VPS13B: variants seen among roughly 807,000 people sequenced by gnomAD.
VPS13B encodes intermembrane lipid transfer protein VPS13B.
A neutral mutation model predicts 426.4 loss-of-function variants in VPS13B; 285 were observed. The ratio of observed to expected loss-of-function variants is 0.67; its 90% CI spans 0.61 to 0.74. VPS13B has a LOEUF of 0.74. Ranked by LOEUF, VPS13B falls within the 30% of genes least tolerant of loss-of-function variation. The pLI is 0.00. For missense variants in VPS13B, 4,537 were observed against 4,782.6 expected (o/e 0.95, Z 1.51); for synonymous variants, 1,676 against 1,676.4 (o/e 1.00, Z 0.01).
chr8:99,492,583 C>T (rs1434693436), intron 25 of VPS13B, among the ~76,000 whole-genome samples: 1 of 152,152 alleles, frequency 6.6e-6, no homozygotes, highest in East Asian at 1.9e-4. Flanking sequence ...GGTGGACACC[C>T]CTCTCCCCGC....
intron 19 of VPS13B, among the ~76,000 whole-genome samples, chr8:99,306,726 AT>A (rs1820657396): frequency 6.6e-6 from 1 of 152,054 alleles, no homozygotes; most frequent in Non-Finnish European, 1.5e-5. Context: ...AGTTTGTCTT[AT>A]TGTTTTATTG....
At chr8:99,461,724 ACT>A (rs1818841971) in intron 23 of VPS13B, among the ~76,000 whole-genome samples, 1 of 152,086 alleles carries the variant, frequency 6.6e-6, no homozygotes, top group South Asian at 2.1e-4. Context: ...CCCACAGCTC[ACT>A]CTCTGAAGAA....
chr8:99,691,649 A>G (rs1389450738), intron 35 of VPS13B, among the ~76,000 whole-genome samples: 1 of 151,022 alleles, frequency 6.6e-6, no homozygotes, highest in Admixed American at 6.6e-5. Context: ...GAGCAAAATC[A>G]CCAGCTAACA....
chr8:99,385,387 G>A (rs1351765397), intron 20 of VPS13B, among the ~76,000 whole-genome samples: 2 of 152,152 alleles, frequency 1.3e-5, no homozygotes, highest in East Asian at 3.9e-4. Flanking sequence ...CTTCAAGCTA[G>A]TTGATGGGAG....
Position 99,087,630 on chromosome 8 carries a change from T to TTA in VPS13B, c.292-8682_292-8681insTA, listed in dbSNP as rs1328985595. On this transcript the variant is annotated intron_variant, in intron 3 of 61. Transcript: ENST00000357162. ...CTGTTTTTTTGTTTTTTTTTTTTTTTATAGACTGGGTCTGTTTATGTAGCC... is the reference window on the plus strand; with the variant it reads ...CTGTTTTTTTGTTTTTTTTTTTTTTTTAATAGACTGGGTCTGTTTATGTAGCC... Among the ~76,000 whole-genome samples the TTA allele has an allele frequency of 8.9e-3, 1,353 of 151,364 alleles. 31 individuals carry two copies. Among genetic ancestry groups the TTA allele is most frequent in the African/African-American group, 0.031 (1,294 of 41,204 alleles).
chr8:99,545,702 T>C (rs1823933101), intron 30 of VPS13B, among the ~76,000 whole-genome samples: 1 of 152,044 alleles, frequency 6.6e-6, no homozygotes, highest in Non-Finnish European at 1.5e-5. Flanking sequence ...ACTGTTGCAT[T>C]AGGCACTATA....
chr8:99,575,020 G>A (rs993858436), intron 31 of VPS13B, among the ~76,000 whole-genome samples: 1 of 151,992 alleles, frequency 6.6e-6, no homozygotes. Flanking sequence ...AAATAAATTA[G>A]CCAGGCATGG....
intron 40 of VPS13B, among the ~76,000 whole-genome samples, chr8:99,771,652 A>T (rs192813797): frequency 6.6e-6 from 1 of 152,308 alleles, no homozygotes; most frequent in Non-Finnish European, 1.5e-5. Flanking sequence ...CGTGATGATG[A>T]ATAAGTCCCT....
At chr8:99,858,804 G>C (rs372487784) in intron 56 of VPS13B, among the ~76,000 whole-genome samples, 91 of 152,316 alleles carry the variant, frequency 6.0e-4, no homozygotes, top group South Asian at 1.5e-3. Flanking sequence ...CAGTAGGATT[G>C]GGAAAGATTA....
At chr8:99,789,166 G>A (rs1383511086) in intron 43 of VPS13B, among the ~76,000 whole-genome samples, 1 of 152,120 alleles carries the variant, frequency 6.6e-6, no homozygotes, top group African/African-American at 2.4e-5. Flanking sequence ...CAGGTTTTGA[G>A]TATCTGCCTA....
chr8:99,807,648 C>A (rs1452155951), intron 43 of VPS13B, among the ~76,000 whole-genome samples: 1 of 149,940 alleles, frequency 6.7e-6, no homozygotes, highest in Non-Finnish European at 1.5e-5. Flanking sequence ...CCATATTTTC[C>A]CTAAAGGTAT....
intron 2 of VPS13B, among the ~76,000 whole-genome samples, chr8:99,029,799 G>A (rs1047361750): frequency 1.4e-5 from 2 of 147,284 alleles, no homozygotes; most frequent in African/African-American, 2.5e-5. Context: ...GAGGGAGAGG[G>A]AGAGGGAGAC....
intron 35 of VPS13B, among the ~76,000 whole-genome samples, chr8:99,667,340 A>T (rs1830528704): frequency 6.6e-6 from 1 of 152,226 alleles, no homozygotes; most frequent in Non-Finnish European, 1.5e-5. Context: ...TATCAGTCAC[A>T]GTCTTTGAGA....
At chr8:99,186,325 G>T (rs1221791040) in intron 16 of VPS13B, among the ~76,000 whole-genome samples, 1 of 151,902 alleles carries the variant, frequency 6.6e-6, no homozygotes, top group Non-Finnish European at 1.5e-5. Flanking sequence ...AAATCACAAG[G>T]AAAAATACAC....
At chr8:99,059,491 A>G (rs1844062067) in intron 3 of VPS13B, among the ~76,000 whole-genome samples, 1 of 151,824 alleles carries the variant, frequency 6.6e-6, no homozygotes, top group Admixed American at 6.6e-5. Flanking sequence ...TTGGAGTTTT[A>G]AGAAGACTGT....
At chr8:99,034,047 A>C (rs764640043) in intron 2 of VPS13B, among the ~76,000 whole-genome samples, 3 of 152,112 alleles carry the variant, frequency 2.0e-5, no homozygotes, top group Non-Finnish European at 2.9e-5. Context: ...TACACTTTGC[A>C]TGTGTCATAG....
At chr8:99,480,024 T>A (rs1029479475) in intron 24 of VPS13B, among the ~76,000 whole-genome samples, 3 of 152,340 alleles carry the variant, frequency 2.0e-5, no homozygotes, top group Non-Finnish European at 1.5e-5. Flanking sequence ...GAGCGTTAGT[T>A]ACTCTACATC....
At chr8:99,320,235 C>T (rs1809902909) in intron 19 of VPS13B, among the ~76,000 whole-genome samples, 1 of 152,148 alleles carries the variant, frequency 6.6e-6, no homozygotes, top group Non-Finnish European at 1.5e-5. Context: ...CCTTAATAAG[C>T]ACACTAATTT....
At chr8:99,500,161 A>G (rs1405918726) in intron 25 of VPS13B, among the ~76,000 whole-genome samples, 3 of 152,164 alleles carry the variant, frequency 2.0e-5, no homozygotes, top group East Asian at 1.9e-4. Context: ...AATACTGACC[A>G]TATTATATTG....
Sources: allele counts gnomAD v4.1 joint callset (sites outside exome capture counted in the v4.1 genomes callset), GRCh38; gene constraint gnomAD v4.1.1; transcripts MANE v1.5; gene names NCBI Gene and HGNC (gene_info 2026-07-23, HGNC 2026-07-21).